The following SORBS2 variants were observed in gnomAD, a reference collection of about 807,000 sequenced individuals.
The protein encoded by SORBS2 is sorbin and SH3 domain-containing protein 2.
SORBS2 carries 46 observed loss-of-function variants against 97.7 expected under a neutral mutation model. The observed-to-expected ratio is 0.47, with a 90% confidence interval of 0.37 to 0.60. The LOEUF (loss-of-function observed/expected upper bound fraction) is 0.60. Among genes scored for constraint, SORBS2 ranks in the 20% least tolerant of loss-of-function variants. SORBS2 has a pLI of 0.00. For missense variants in SORBS2, 1,316 were observed against 1,282.3 expected (o/e 1.03, Z -0.40); for synonymous variants, 476 against 473.4 (o/e 1.01, Z -0.07).
At chr4:185,928,584 T>C (rs571307165) in intron 1 of SORBS2, among the ~76,000 whole-genome samples, 57 of 152,174 alleles carry the variant, frequency 3.7e-4, no homozygotes, top group South Asian at 1.7e-3. Flanking sequence ...TTTGCTCTGT[T>C]GCCCAGGCTG....
chr4:185,825,753 A>T (rs1273478806), intron 1 of SORBS2, among the ~76,000 whole-genome samples: 1 of 152,244 alleles, frequency 6.6e-6, no homozygotes, highest in African/African-American at 2.4e-5. Context: ...TATTAGCAGC[A>T]ATACCACTTG....
intron 2 of SORBS2, among the ~76,000 whole-genome samples, chr4:185,698,041 C>A (rs995099696): frequency 1.3e-5 from 2 of 152,134 alleles, no homozygotes; most frequent in African/African-American, 4.8e-5. Context: ...GGATTGAGAT[C>A]AACCAACTCA....
At chr4:185,879,095 A>G (rs1186412373) in intron 1 of SORBS2, among the ~76,000 whole-genome samples, 8 of 150,042 alleles carry the variant, frequency 5.3e-5, no homozygotes, top group Admixed American at 5.3e-4. Flanking sequence ...ATATGTATAC[A>G]TGTGCCATGT....
In SORBS2 at chr4:185,710,550, A is replaced by G. The variant is rs146822911; in HGVS notation, c.-197-31728T>C. Reference sequence around the variant, plus strand: ...AGATGGAATGAATGTGTTTTCTCCTATATTTACCACTCAAGTTTTTTCTTT... The same window carrying G: ...AGATGGAATGAATGTGTTTTCTCCTGTATTTACCACTCAAGTTTTTTCTTT... On this transcript the variant is annotated intron_variant, in intron 2 of 20. Transcript: ENST00000284776. Among the ~76,000 whole-genome samples, 606 of 152,310 alleles carry G rather than the reference A, an allele frequency of 4.0e-3. 8 individuals are homozygous for G. Among genetic ancestry groups the G allele is most frequent in the African/African-American group, 0.013 (548 of 41,558 alleles).
At chr4:185,825,168 G>T (rs555916683) in intron 1 of SORBS2, among the ~76,000 whole-genome samples, 177 of 151,710 alleles carry the variant, frequency 1.2e-3, no homozygotes, top group African/African-American at 4.2e-3. Context: ...GAATTATTAG[G>T]CACATGGGGA....
At chr4:185,822,177 A>T (rs1370813010) in intron 1 of SORBS2, among the ~76,000 whole-genome samples, 2 of 152,242 alleles carry the variant, frequency 1.3e-5, no homozygotes, top group African/African-American at 2.4e-5. Flanking sequence ...CTTCACCTGC[A>T]GTATTCAGCT....
chr4:185,735,749 T>C (rs1194242496), intron 2 of SORBS2, among the ~76,000 whole-genome samples: 1 of 152,174 alleles, frequency 6.6e-6, no homozygotes, highest in African/African-American at 2.4e-5. Flanking sequence ...TAGTCCATGA[T>C]GAATTAAAAT....
chr4:185,878,748 C>A (rs533331168), intron 1 of SORBS2, among the ~76,000 whole-genome samples: 3 of 152,298 alleles, frequency 2.0e-5, no homozygotes, highest in South Asian at 4.1e-4. Context: ...TCTATCACTC[C>A]CCAGTGGAGA....
intron 1 of SORBS2, among the ~76,000 whole-genome samples, chr4:185,849,699 G>T (rs2099216720): frequency 6.6e-6 from 1 of 152,134 alleles, no homozygotes; most frequent in Non-Finnish European, 1.5e-5. Context: ...CTGGGACTTT[G>T]CCTATAAAAT....
At chr4:185,806,740 G>A (rs1034286574) in intron 1 of SORBS2, among the ~76,000 whole-genome samples, 6 of 152,062 alleles carry the variant, frequency 3.9e-5, no homozygotes, top group Admixed American at 1.3e-4. Flanking sequence ...TTACAGGCGT[G>A]AGCCACCGCG....
At chr4:185,907,559 CT>C (rs1367630279) in intron 1 of SORBS2, among the ~76,000 whole-genome samples, 7 of 152,098 alleles carry the variant, frequency 4.6e-5, no homozygotes, top group African/African-American at 1.7e-4. Flanking sequence ...TGCTTCTTGC[CT>C]CTTTTTATTT....
At chr4:185,673,616 C>A (rs1582432959) in intron 4 of SORBS2, among the ~76,000 whole-genome samples, 2 of 152,294 alleles carry the variant, frequency 1.3e-5, no homozygotes, top group South Asian at 2.1e-4. Flanking sequence ...CTTACTCAAA[C>A]CTCCCAGCAG....
chr4:185,585,911 C>T (rs1257877609), exon 15 of SORBS2: 1 of 152,270 alleles, frequency 6.6e-6, no homozygotes, highest in African/African-American at 2.4e-5. Context: ...TTTCATTTGG[C>T]TTCTACGATC....
intron 1 of SORBS2, among the ~76,000 whole-genome samples, chr4:185,787,702 C>G (rs1437412681): frequency 1.3e-5 from 2 of 152,198 alleles, no homozygotes; most frequent in Non-Finnish European, 2.9e-5. Context: ...TTTGGGTACT[C>G]TTGGGTTTTA....
intron 4 of SORBS2, among the ~76,000 whole-genome samples, chr4:185,642,995 C>T (rs1162073223): frequency 6.6e-6 from 1 of 152,240 alleles, no homozygotes; most frequent in Non-Finnish European, 1.5e-5. Context: ...CCTTCATTCA[C>T]TTAGAAATTC....
intron 2 of SORBS2, among the ~76,000 whole-genome samples, chr4:185,714,925 T>C (rs1404575815): frequency 6.6e-6 from 1 of 152,138 alleles, no homozygotes; most frequent in African/African-American, 2.4e-5. Flanking sequence ...ACCTCTCAAA[T>C]CATTTAAAAG....
chr4:185,851,072 C>A (rs182418871), intron 1 of SORBS2, among the ~76,000 whole-genome samples: 88 of 152,274 alleles, frequency 5.8e-4, no homozygotes, highest in Non-Finnish European at 1.2e-3. Flanking sequence ...GATTTCCTGG[C>A]TGCCATAATC....
In SORBS2 at chr4:185,607,325, G is replaced by A. The variant is rs2096448787; in HGVS notation, c.2796+4455C>T. On this transcript the variant is annotated intron_variant, in intron 12 of 14. Coordinates refer to ENST00000418609, the Ensembl canonical transcript of SORBS2. This position sits in a 1 kb window ranked among gnomAD's most constrained non-coding sequence, Gnocchi z 5.2. ...CCAGGTGAGACTTTGTGGGTGGGAGGAGGGGCTGGTTCACTGGAAGCCAAC... is the reference window on the plus strand; with the variant it reads ...CCAGGTGAGACTTTGTGGGTGGGAGAAGGGGCTGGTTCACTGGAAGCCAAC... 1 of 1,287,010 alleles carries A rather than the reference G, an allele frequency of 7.8e-7. No homozygotes were observed. Among genetic ancestry groups the A allele is most frequent in the African/African-American group, 1.5e-5 (1 of 65,540 alleles). 79.7% of individuals were successfully genotyped at this position (1,287,010 alleles called of 1,614,324 possible). A position where few individuals can be genotyped will look rare whatever the true frequency, so the allele number is the denominator to read the frequency against.
intron 1 of SORBS2, chr4:185,918,494 A>T (rs2099259395): frequency 6.6e-6 from 1 of 152,176 alleles, no homozygotes; most frequent in African/African-American, 2.4e-5. Context: ...GTGTCAACAG[A>T]TGCATCTACC....
Sources: gnomAD v4.1 joint callset for allele counts (sites outside exome capture counted in the v4.1 genomes callset) on GRCh38, gnomAD v4.1.1 for gene constraint, Gnocchi (gnomAD v3.1) non-coding constraint, MANE v1.5 for transcripts, NCBI Gene and HGNC (gene_info 2026-07-23, HGNC 2026-07-21) for gene names.